Variants in HTR2C observed in about 807,000 individuals in gnomAD.
The protein encoded by HTR2C is 5-hydroxytryptamine receptor 2C, also known as 5-hydroxytryptamine (serotonin) receptor 2C, G protein-coupled.
In HTR2C, 5 loss-of-function variants were observed where a neutral mutation model predicts 21.0. The observed-to-expected ratio is 0.24, with a 90% CI of 0.12 to 0.50. HTR2C has a LOEUF of 0.50. HTR2C is among the 20% of genes least tolerant of loss of function. HTR2C has a pLI of 0.98. For synonymous variants in HTR2C, 150 were observed against 145.3 expected, an observed-to-expected ratio of 1.03 and a Z score of -0.23; for missense variants, 271 against 371.2, an observed-to-expected ratio of 0.73 and a Z score of 2.22.
chrX:114,811,118 G>T (rs1389321359), intron 4 of HTR2C, among the ~76,000 whole-genome samples: 1 of 111,518 alleles, frequency 9.0e-6, no homozygotes, highest in East Asian at 2.8e-4. Flanking sequence ...GGTGTGATTT[G>T]GGGGGCACTG....
At chrX:114,852,057 A>G (rs1164484595) in intron 5 of HTR2C, among the ~76,000 whole-genome samples, 3 of 111,578 alleles carry the variant, frequency 2.7e-5, no homozygotes, top group African/African-American at 9.8e-5. Flanking sequence ...CAGAATTTCT[A>G]TACCCATACC....
intron 5 of HTR2C, among the ~76,000 whole-genome samples, chrX:114,877,458 A>C (rs1556478584): frequency 9.1e-6 from 1 of 110,350 alleles, no homozygotes; most frequent in Admixed American, 9.7e-5. Flanking sequence ...TTTCTGCTCT[A>C]ATCTTTATTA....
chrX:114,711,091 G>A (rs1424735941), intron 2 of HTR2C, among the ~76,000 whole-genome samples: 3 of 111,708 alleles, frequency 2.7e-5, no homozygotes, highest in African/African-American at 9.7e-5. Flanking sequence ...GATTATCTAT[G>A]GAGGCATTAT....
At chrX:114,607,459 T>A (rs1928511415) in intron 1 of HTR2C, among the ~76,000 whole-genome samples, 1 of 111,703 alleles carries the variant, frequency 9.0e-6, no homozygotes, top group East Asian at 2.8e-4. Context: ...AGAGTATGCA[T>A]CATTCTGATT....
chrX:114,799,482 A>G (rs782359300), intron 4 of HTR2C, among the ~76,000 whole-genome samples: 8 of 110,746 alleles, frequency 7.2e-5, no homozygotes, highest in Non-Finnish European at 1.5e-4. Flanking sequence ...GAAAAAAAAA[A>G]GAATTACTTT....
intron 4 of HTR2C, among the ~76,000 whole-genome samples, chrX:114,829,795 T>C (rs1031243600): frequency 2.7e-5 from 3 of 111,489 alleles, no homozygotes; most frequent in Non-Finnish European, 5.7e-5. Context: ...TGCAGATAAA[T>C]AGGTTTATTT....
At chrX:114,886,059 T>C (rs1259460322) in intron 5 of HTR2C, among the ~76,000 whole-genome samples, 1 of 111,483 alleles carries the variant, frequency 9.0e-6, no homozygotes, top group African/African-American at 3.2e-5. Flanking sequence ...ATGTGTATAA[T>C]TGTTATACCT....
intron 2 of HTR2C, among the ~76,000 whole-genome samples, chrX:114,638,499 GTTTATTTA>G (rs200717009): frequency 9.9e-6 from 1 of 100,757 alleles, no homozygotes; most frequent in African/African-American, 3.6e-5. Flanking sequence ...TATGTAATAC[GTTTATTTA>G]TTTATTTATT....
At chrX:114,821,073 G>GA (rs2147459178) in intron 4 of HTR2C, among the ~76,000 whole-genome samples, 1 of 111,609 alleles carries the variant, frequency 9.0e-6, no homozygotes, top group Non-Finnish European at 1.9e-5. Flanking sequence ...TAGTGAATAA[G>GA]AATCATTTTC....
intron 2 of HTR2C, among the ~76,000 whole-genome samples, chrX:114,619,881 T>A (rs1929089353): frequency 8.9e-6 from 1 of 112,128 alleles, no homozygotes; most frequent in Non-Finnish European, 1.9e-5. Context: ...GGAACAGTAT[T>A]TGCTTTCGCT....
intron 2 of HTR2C, among the ~76,000 whole-genome samples, chrX:114,633,382 A>G (rs782639643): frequency 8.9e-6 from 1 of 112,073 alleles, no homozygotes; most frequent in South Asian, 3.7e-4. Context: ...ATTCAACAGG[A>G]AAAGCAATTT....
At chrX:114,765,436 A>C (rs1400234189) in intron 4 of HTR2C, among the ~76,000 whole-genome samples, 1 of 111,177 alleles carries the variant, frequency 9.0e-6, no homozygotes, top group South Asian at 3.8e-4. Context: ...CCCACTTTAC[A>C]GATGAGGGAA....
chrX:114,885,692 A>T (rs1247542732), intron 5 of HTR2C, among the ~76,000 whole-genome samples: 1 of 111,414 alleles, frequency 9.0e-6, no homozygotes, highest in African/African-American at 3.2e-5. Flanking sequence ...CATTTTACTC[A>T]TTTAGGTTAT....
chrX:114,603,822 T>C (rs1419062934), intron 1 of HTR2C, among the ~76,000 whole-genome samples: 1 of 94,683 alleles, frequency 1.1e-5, no homozygotes, highest in African/African-American at 3.9e-5. Context: ...GAGGCAGGTA[T>C]TGAAGATAGG....
chrX:114,873,109 C>T (rs2147511804), intron 5 of HTR2C, among the ~76,000 whole-genome samples: 1 of 111,656 alleles, frequency 9.0e-6, no homozygotes, highest in South Asian at 3.7e-4. Context: ...TTTTTGTCTT[C>T]ATAATCAAAG....
intron 1 of HTR2C, among the ~76,000 whole-genome samples, chrX:114,587,196 G>T (rs1556389925): frequency 8.9e-6 from 1 of 111,741 alleles, no homozygotes; most frequent in Non-Finnish European, 1.9e-5. Context: ...TTATTAAATT[G>T]TTCAAGGCCT....
At chrX:114,779,109 T>A (rs1556439839) in intron 4 of HTR2C, among the ~76,000 whole-genome samples, 1 of 111,637 alleles carries the variant, frequency 9.0e-6, no homozygotes, top group Non-Finnish European at 1.9e-5. Flanking sequence ...CATCATTTTT[T>A]AATTTTCTTT....
intron 2 of HTR2C, among the ~76,000 whole-genome samples, chrX:114,673,527 A>T (rs1556412113): frequency 9.0e-6 from 1 of 111,478 alleles, no homozygotes; most frequent in African/African-American, 3.3e-5. Flanking sequence ...AAAAAGGCTT[A>T]TATTATTTGG....
At chrX:114,613,485 A>G (rs1028060624) in intron 1 of HTR2C, among the ~76,000 whole-genome samples, 1 of 110,178 alleles carries the variant, frequency 9.1e-6, no homozygotes, top group African/African-American at 3.3e-5. Context: ...GGTCTTCATG[A>G]TCTGTATCTT....
Sources: allele counts gnomAD v4.1 joint callset (sites outside exome capture counted in the v4.1 genomes callset), GRCh38; gene constraint gnomAD v4.1.1; transcripts MANE v1.5; gene names NCBI Gene and HGNC (gene_info 2026-07-23, HGNC 2026-07-21).